VPS13B: variants seen among roughly 807,000 people sequenced by gnomAD.
VPS13B encodes the protein intermembrane lipid transfer protein VPS13B.
A neutral mutation model predicts 426.4 loss-of-function variants in VPS13B; 285 were observed. The ratio of observed to expected loss-of-function variants is 0.67; its 90% confidence interval spans 0.61 to 0.74. The LOEUF is 0.74. VPS13B is among the 30% of genes least tolerant of loss of function. The probability of loss-of-function intolerance (pLI) is 0.00; values close to 1 mark genes in which losing one functional copy is unlikely to be tolerated. For synonymous variants in VPS13B, 1,676 were observed against 1,676.4 expected (o/e 1.00, Z 0.01); for missense variants, 4,537 against 4,782.6 (o/e 0.95, Z 1.51).
chr8:99,813,451 G>A (rs1813839355), intron 44 of VPS13B, among the ~76,000 whole-genome samples: 1 of 152,182 alleles, frequency 6.6e-6, no homozygotes, highest in East Asian at 1.9e-4. Context: ...GAATAACAGA[G>A]TTAAATAATG....
intron 39 of VPS13B, among the ~76,000 whole-genome samples, chr8:99,743,095 A>G (rs2130488823): frequency 6.6e-6 from 1 of 152,266 alleles, no homozygotes; most frequent in South Asian, 2.1e-4. Context: ...TCAGCCCAAA[A>G]TCTCCTTAAG....
intron 4 of VPS13B, among the ~76,000 whole-genome samples, chr8:99,097,413 A>G (rs1222189481): frequency 6.6e-6 from 1 of 152,208 alleles, no homozygotes; most frequent in Non-Finnish European, 1.5e-5. Context: ...TTTGAATAAT[A>G]TGCTAGAGCA....
rs756641209 is a variant in VPS13B at position 99,819,913 on chromosome 8, TG to T, written c.8793-6del. 16 of 1,613,762 alleles carry T rather than the reference TG, an allele frequency of 9.9e-6. No individual in the cohort carries two copies. The highest frequency in any genetic ancestry group is 1.4e-5 in the Non-Finnish European group (16 of 1,179,832). ...CATTGAGTCTCTTGGATGTGGTTTTTGGAACAGGAATGAACAGCTAAGTCAG... is the reference window on the plus strand; with the variant it reads ...CATTGAGTCTCTTGGATGTGGTTTTTGAACAGGAATGAACAGCTAAGTCAG... On this transcript the variant is annotated splice_polypyrimidine_tract_variant and splice_region_variant and intron_variant, in intron 48 of 61. Coordinates refer to ENST00000357162, the MANE Select transcript of VPS13B (RefSeq NM_152564.5).
chr8:99,081,112 G>T (rs997168050), intron 3 of VPS13B, among the ~76,000 whole-genome samples: 4 of 152,116 alleles, frequency 2.6e-5, no homozygotes, highest in Admixed American at 6.5e-5. Context: ...AGTTTTTTCT[G>T]CCTCCTTCAA....
chr8:99,678,057 T>C (rs1831012015), intron 35 of VPS13B, among the ~76,000 whole-genome samples: 1 of 152,200 alleles, frequency 6.6e-6, no homozygotes, highest in Admixed American at 6.5e-5. Flanking sequence ...TAAGACTATT[T>C]CTACATATAG....
chr8:99,336,546 G>A (rs939991184), intron 19 of VPS13B, among the ~76,000 whole-genome samples: 3 of 152,244 alleles, frequency 2.0e-5, no homozygotes, highest in East Asian at 3.9e-4. Context: ...CTTCTGCACA[G>A]CAAAAGAAAC....
chr8:99,703,156 T>A lies in VPS13B; in HGVS notation c.6454+3224T>A, dbSNP rs192295803. 4.7e-3 allele frequency among the ~76,000 whole-genome samples: 715 copies of A among 152,284 alleles called. 5 individuals are homozygous for A. Among genetic ancestry groups the A allele is most frequent in the African/African-American group, 0.016 (669 of 41,568 alleles). On this transcript the variant is annotated intron_variant, in intron 36 of 61. Transcript: ENST00000357162. Reference sequence around the variant, plus strand: ...ACTGATTTATAAAACTAAATATTTATAAATTATTGACTGAAGCAGTTAAAG... The same window carrying A: ...ACTGATTTATAAAACTAAATATTTAAAAATTATTGACTGAAGCAGTTAAAG...
At chr8:99,254,504 T>C (rs1032381745) in intron 17 of VPS13B, among the ~76,000 whole-genome samples, 1 of 151,940 alleles carries the variant, frequency 6.6e-6, no homozygotes, top group Non-Finnish European at 1.5e-5. Context: ...TGATGCGTTA[T>C]GATTTCTTTG....
chr8:99,565,404 G>T (rs537516776), intron 31 of VPS13B, among the ~76,000 whole-genome samples: 22 of 149,456 alleles, frequency 1.5e-4, no homozygotes, highest in Admixed American at 9.3e-4. Context: ...AAAAATTGTT[G>T]TTACTATGTT....
Position 99,675,352 on chromosome 8 carries a change from T to C in VPS13B, c.6046+13861T>C, listed in dbSNP as rs545896127. On this transcript the variant is annotated intron_variant, in intron 35 of 61. Transcript: ENST00000357162. ...AATATCCTTCTATATTCTTTGCTTCTTTCTTCTTGCTGCTTTCAGGATCCT... is the reference window on the plus strand; with the variant it reads ...AATATCCTTCTATATTCTTTGCTTCCTTCTTCTTGCTGCTTTCAGGATCCT... Among the ~76,000 whole-genome samples, 3 of 152,314 alleles carry C rather than the reference T, an allele frequency of 2.0e-5. No individual in the cohort carries two copies. The East Asian group carries it at 5.8e-4, about 29-fold the overall frequency.
chr8:99,839,224 GTCGGGT>G (rs1275669479), intron 54 of VPS13B, among the ~76,000 whole-genome samples: 1 of 152,208 alleles, frequency 6.6e-6, no homozygotes, highest in Admixed American at 6.5e-5. Context: ...GACATTCGTA[GTCGGGT>G]CAGTGTCACT....
chr8:99,543,520 T>G (rs367755904), intron 30 of VPS13B, among the ~76,000 whole-genome samples: 9 of 151,268 alleles, frequency 5.9e-5, no homozygotes, highest in African/African-American at 1.9e-4. Flanking sequence ...TCAGAGTGAA[T>G]AGGCAACCTA....
intron 3 of VPS13B, among the ~76,000 whole-genome samples, chr8:99,087,659 C>G (rs1015730941): frequency 2.6e-5 from 4 of 151,086 alleles, no homozygotes; most frequent in Non-Finnish European, 5.9e-5. Context: ...TGTAGCCCAG[C>G]CTGGCTGCCA....
intron 19 of VPS13B, among the ~76,000 whole-genome samples, chr8:99,309,818 G>C (rs1820854335): frequency 6.6e-6 from 1 of 152,192 alleles, no homozygotes; most frequent in South Asian, 2.1e-4. Context: ...CCATGAACAT[G>C]GAAAGTTCTT....
intron 19 of VPS13B, among the ~76,000 whole-genome samples, chr8:99,351,938 A>G (rs1353788764): frequency 6.6e-6 from 1 of 152,208 alleles, no homozygotes; most frequent in East Asian, 1.9e-4. Flanking sequence ...TATATTATTA[A>G]TAAATCAGTG....
chr8:99,709,473 T>C (rs1832626014), intron 36 of VPS13B, among the ~76,000 whole-genome samples: 2 of 152,216 alleles, frequency 1.3e-5, no homozygotes, highest in Admixed American at 1.3e-4. Flanking sequence ...AAGTAAATTT[T>C]TATACTCAAT....
chr8:99,303,364 G>T (rs1043637373), intron 19 of VPS13B, among the ~76,000 whole-genome samples: 1 of 151,276 alleles, frequency 6.6e-6, no homozygotes, highest in African/African-American at 2.4e-5. Context: ...GTCCTCTATG[G>T]TGCAGATTCC....
At chr8:99,329,991 T>C (rs1002326190) in intron 19 of VPS13B, among the ~76,000 whole-genome samples, 1 of 151,958 alleles carries the variant, frequency 6.6e-6, no homozygotes, top group Admixed American at 6.6e-5. Flanking sequence ...CAGTGCTATA[T>C]TTCCTATGGG....
In VPS13B at chr8:99,835,342, GA is replaced by G. The variant is rs2130865746; in HGVS notation, c.9742+20del. 1.2e-6 allele frequency: 2 copies of G among 1,602,466 alleles called. No individual in the cohort carries two copies. The highest frequency in any genetic ancestry group is 2.7e-5 in the African/African-American group (2 of 74,664). ...CATTAAAGGTATGTTTTATACTATC[GA>G]ATTTAGATAATACTAAATGTGTATT... On this transcript the variant is annotated intron_variant, in intron 53 of 61. Transcript: ENST00000357162.
Sources: allele counts gnomAD v4.1 joint callset (sites outside exome capture counted in the v4.1 genomes callset), GRCh38; gene constraint gnomAD v4.1.1; transcripts MANE v1.5; gene names NCBI Gene and HGNC (gene_info 2026-07-23, HGNC 2026-07-21).